FOXP2: variants seen among roughly 807,000 people sequenced by gnomAD.
FOXP2 encodes forkhead box P2.
A neutral mutation model predicts 115.8 loss-of-function variants in FOXP2; 12 were observed. That is an observed-to-expected ratio of 0.10 (90% CI 0.07 to 0.17). FOXP2 has a LOEUF of 0.17. Among genes scored for constraint, FOXP2 ranks in the 10% least tolerant of loss-of-function variants. FOXP2 has a pLI of 1.00. For missense variants in FOXP2, 629 were observed against 843.5 expected (o/e 0.75, Z 3.15); for synonymous variants, 328 against 297.7 (o/e 1.10, Z -1.05).
At chr7:114,206,309 T>C (rs1229010890) in intron 1 of FOXP2, among the ~76,000 whole-genome samples, 4 of 152,144 alleles carry the variant, frequency 2.6e-5, no homozygotes, top group African/African-American at 7.2e-5. Context: ...CTAACTCTTA[T>C]CTATGTCTGC....
intron 2 of FOXP2, among the ~76,000 whole-genome samples, chr7:114,519,100 C>T (rs753351146): frequency 6.6e-6 from 1 of 152,114 alleles, no homozygotes; most frequent in African/African-American, 2.4e-5. Flanking sequence ...CCCCTACATA[C>T]ATTTCTTGTC....
At chr7:114,642,811 TA>T (rs202186286) in intron 7 of FOXP2, among the ~76,000 whole-genome samples, 188 bp downstream of exon 7, 391 of 61,584 alleles carry the variant, frequency 6.3e-3, no homozygotes, top group African/African-American at 0.025. Context: ...TATATATATA[TA>T]TTTTTTTTTT....
intron 2 of FOXP2, among the ~76,000 whole-genome samples, chr7:114,491,353 G>A (rs1451609109): frequency 6.6e-6 from 1 of 152,176 alleles, no homozygotes; most frequent in East Asian, 1.9e-4. Flanking sequence ...CGATGGGGTT[G>A]TTTGTTTTTT....
intron 2 of FOXP2, among the ~76,000 whole-genome samples, chr7:114,487,335 G>T (rs1796839407): frequency 6.6e-6 from 1 of 152,108 alleles, no homozygotes; most frequent in African/African-American, 2.4e-5. Flanking sequence ...AGGGCACCAA[G>T]TCCCTAGGCT....
chr7:114,343,565 T>G (rs556969003), intron 2 of FOXP2, among the ~76,000 whole-genome samples: 1 of 151,628 alleles, frequency 6.6e-6, no homozygotes. Context: ...CAATAATGAT[T>G]TATATTATGC....
chr7:114,405,741 A>AT (rs561184602), intron 2 of FOXP2, among the ~76,000 whole-genome samples: 93 of 151,832 alleles, frequency 6.1e-4, no homozygotes, highest in Middle Eastern at 3.4e-3. Flanking sequence ...GATGCAAACT[A>AT]TTTTTTCGTT....
At chr7:114,641,777 G>GTATT (rs964386599) in intron 6 of FOXP2, among the ~76,000 whole-genome samples, 11 of 151,530 alleles carry the variant, frequency 7.3e-5, no homozygotes, top group Admixed American at 5.3e-4. Flanking sequence ...ATTTTTATTT[G>GTATT]TATTTATTTA....
intron 16 of FOXP2, among the ~76,000 whole-genome samples, chr7:114,687,802 G>A (rs1406847992): frequency 6.6e-6 from 1 of 151,972 alleles, no homozygotes; most frequent in African/African-American, 2.4e-5. Context: ...ACATCCCTAG[G>A]TAATCATTCA....
intron 1 of FOXP2, chr7:114,088,178 AG>A (rs1336477138): frequency 6.8e-6 from 1 of 146,038 alleles, no homozygotes; most frequent in Non-Finnish European, 1.5e-5. Context: ...ATTAAAATCC[AG>A]TAAGTTTCTT....
At position 114,174,693 on chromosome 7, in the gene FOXP2, A is replaced by G. The variant is rs115759270; in HGVS notation, c.-102+11605A>G. Among the ~76,000 whole-genome samples, 1,460 of 152,192 alleles carry G rather than the reference A, an allele frequency of 9.6e-3. 32 individuals carry two copies. Among genetic ancestry groups the G allele is most frequent in the African/African-American group, 0.033 (1,388 of 41,562 alleles). On this transcript the variant is annotated intron_variant, in intron 1 of 17. Transcript: ENST00000634411. ...GTGTCAGTTTTGACAAGATGGAAAA[A>G]TGCAAGATGGGAGTTGAATCTTTCT...
chr7:114,490,004 C>T (rs984448683), intron 2 of FOXP2, among the ~76,000 whole-genome samples: 2 of 152,108 alleles, frequency 1.3e-5, no homozygotes, highest in African/African-American at 4.8e-5. Context: ...ACAGCCACTT[C>T]CGAAGTCAGT....
At chr7:114,215,962 A>C (rs1036847329) in intron 1 of FOXP2, among the ~76,000 whole-genome samples, 7 of 152,138 alleles carry the variant, frequency 4.6e-5, no homozygotes, top group African/African-American at 1.4e-4. Context: ...AACAGGCTTC[A>C]CCTCTAAATT....
chr7:114,106,723 A>G (rs1791127917), intron 1 of FOXP2, among the ~76,000 whole-genome samples: 1 of 151,832 alleles, frequency 6.6e-6, no homozygotes, highest in South Asian at 2.1e-4. Flanking sequence ...TTAATTTTGA[A>G]TTTTTGTTTG....
chr7:114,512,939 G>T (rs1477920834), intron 2 of FOXP2, among the ~76,000 whole-genome samples: 1 of 152,106 alleles, frequency 6.6e-6, no homozygotes, highest in East Asian at 1.9e-4. Context: ...AAAATTAGCT[G>T]GGAGTGGTGG....
intron 1 of FOXP2, among the ~76,000 whole-genome samples, chr7:114,246,969 A>G (rs971640017): frequency 6.6e-6 from 1 of 152,154 alleles, no homozygotes; most frequent in African/African-American, 2.4e-5. Context: ...CTATATTTTA[A>G]TATTTCACAT....
chr7:114,628,446 G>T, intron 3 of FOXP2, 94 bp from the exon 4 acceptor site: 1 of 1,526,676 alleles, frequency 6.6e-7, no homozygotes, highest in Admixed American at 1.7e-5. Flanking sequence ...CAATGCTAAA[G>T]AATTTATAAA....
chr7:114,123,681 A>G (rs1791627612), intron 1 of FOXP2, among the ~76,000 whole-genome samples: 1 of 152,116 alleles, frequency 6.6e-6, no homozygotes, highest in Non-Finnish European at 1.5e-5. Context: ...TATAAATGGT[A>G]GTTGGACAAC....
intron 14 of FOXP2, 68 bp from the exon 15 acceptor site, chr7:114,663,382 C>T (rs1477795879): frequency 1.7e-6 from 2 of 1,147,756 alleles, no homozygotes. Flanking sequence ...ACCTTTATAG[C>T]TGAGACTATT....
chr7:114,335,887 A>G (rs1285387379), intron 2 of FOXP2, among the ~76,000 whole-genome samples: 1 of 151,840 alleles, frequency 6.6e-6, no homozygotes, highest in Non-Finnish European at 1.5e-5. Context: ...AAAAAGAAAA[A>G]AAAATGATCA....
Sources: allele counts gnomAD v4.1 joint callset (sites outside exome capture counted in the v4.1 genomes callset), GRCh38; gene constraint gnomAD v4.1.1; transcripts MANE v1.5; gene names NCBI Gene and HGNC (gene_info 2026-07-23, HGNC 2026-07-21).